Variants in GNE observed in about 807,000 individuals in gnomAD.
GNE encodes bifunctional UDP-N-acetylglucosamine 2-epimerase/N-acetylmannosamine kinase.
A neutral mutation model predicts 61.8 loss-of-function variants in GNE; 41 were observed. That is an observed-to-expected ratio of 0.66 (90% confidence interval 0.52 to 0.86). GNE has a LOEUF of 0.86. GNE is among the 40% of genes least tolerant of loss of function. The pLI is 0.00. For synonymous variants in GNE, 264 were observed against 326.4 expected, an observed-to-expected ratio of 0.81 and a Z score of 2.06; for missense variants, 608 against 909.1, an observed-to-expected ratio of 0.67 and a Z score of 4.26.
chr9:36,242,770 CT>C (rs1829698685), intron 3 of GNE, among the ~76,000 whole-genome samples: 1 of 124,268 alleles, frequency 8.0e-6, no homozygotes. Context: ...TGGAGTCTCG[CT>C]TCTTCACCCA....
intron 1 of GNE, among the ~76,000 whole-genome samples, chr9:36,250,222 C>T (rs1418162889): frequency 6.6e-6 from 1 of 152,172 alleles, no homozygotes; most frequent in Non-Finnish European, 1.5e-5. Flanking sequence ...GCTATTCACT[C>T]TCACACTATA....
rs757524235 is a variant in GNE at position 36,246,176 on chromosome 9, A to G, written c.471T>C (p.His157=). ...GCTCTGCACTGCGGGTGCAGCACACATGATAATGAGCCAGTTTTGTTATGG... is the reference window on the plus strand; with the variant it reads ...GCTCTGCACTGCGGGTGCAGCACACGTGATAATGAGCCAGTTTTGTTATGG... The part of the protein sequence containing the change: ...RHAITKLAHY[H]VCCTRSAEQH... Residue 157 remains histidine (H), a synonymous_variant, in exon 3 of 12, where the codon CAT becomes CAC. Transcript: ENST00000642385. 8.1e-6 allele frequency: 13 copies of G among 1,614,222 alleles called. 1 individual carries two copies. The South Asian group carries it at 8.8e-5, about 11-fold the overall frequency.
intron 10 of GNE, 103 bp downstream of exon 10, chr9:36,219,735 G>A (rs1480110759): frequency 9.5e-7 from 1 of 1,054,514 alleles, no homozygotes; most frequent in East Asian, 2.4e-5. Flanking sequence ...GAAGTGAAAA[G>A]GGGGAAACTT....
chr9:36,238,839 T>A (rs902262513), intron 3 of GNE, among the ~76,000 whole-genome samples: 5 of 152,308 alleles, frequency 3.3e-5, no homozygotes, highest in Admixed American at 3.3e-4. Flanking sequence ...GGTTTTCCCA[T>A]GTAATCTTCT....
intron 4 of GNE, among the ~76,000 whole-genome samples, chr9:36,235,591 T>C (rs1264859123): frequency 6.6e-6 from 1 of 152,190 alleles, no homozygotes; most frequent in Non-Finnish European, 1.5e-5. Flanking sequence ...GAATGATACA[T>C]AGTTACATTA....
chr9:36,229,167 A>G, intron 5 of GNE, 59 bp from the exon 6 acceptor site: 5 of 918,514 alleles, frequency 5.4e-6, no homozygotes, highest in Non-Finnish European at 9.2e-6. Flanking sequence ...CAAAGAATAA[A>G]GAAATTATCA....
In GNE at chr9:36,234,107, C is replaced by T. The variant is rs1829295633; in HGVS notation, c.795G>A (p.Met265Ile). 5 of 1,613,720 alleles carry T rather than the reference C, an allele frequency of 3.1e-6. No individual in the cohort carries two copies. Among genetic ancestry groups the T allele is most frequent in the East Asian group, 2.2e-5 (1 of 44,876 alleles). The change falls in exon 5 of 12, where the codon ATG becomes ATA. Residue 265 changes from methionine to isoleucine, a missense_variant. Physicochemically the swap from Met to Ile is conservative, Grantham distance 10. Transcript: ENST00000642385. ...DAGSKEMVRV[M>I]RKKGIEHHPN... ...GATGATGCTCAATGCCCTTCTTCCGCATCACTCGAACCATCTCTTTGCTCC... is the reference window on the plus strand; with the variant it reads ...GATGATGCTCAATGCCCTTCTTCCGTATCACTCGAACCATCTCTTTGCTCC...
At position 36,217,501 on chromosome 9, in the gene GNE, A is replaced by G. The variant is rs1828379695; in HGVS notation, c.2033T>C (p.Ile678Thr). The G allele has an allele frequency of 2.5e-6, 4 of 1,613,900 alleles. No individual in the cohort carries two copies. The highest frequency in any genetic ancestry group is 2.5e-6 in the Non-Finnish European group (3 of 1,179,868). Reference protein sequence around the residue: ...SGVLASHYIHIVKDVIRQQAL... With the variant: ...SGVLASHYIHTVKDVIRQQAL... ...CTGCTGGCGAATGACGTCTTTGACA[A>G]TGTGGATATAGTGACTGGCCAGGAC... The change falls in exon 12 of 12, where the codon ATT (isoleucine) becomes ACT (threonine). Residue 678 changes from isoleucine to threonine, a missense_variant. Coordinates refer to ENST00000642385, the MANE Select transcript of GNE (RefSeq NM_005476.7).
chr9:36,232,054 G>T (rs550753702), intron 5 of GNE, among the ~76,000 whole-genome samples: 1 of 152,110 alleles, frequency 6.6e-6, no homozygotes, highest in Non-Finnish European at 1.5e-5. Flanking sequence ...AAGGAGATTA[G>T]TTCTAGCTCT....
At chr9:36,260,102 T>C (rs1203432368), upstream of GNE, among the ~76,000 whole-genome samples, 1 of 151,628 alleles carries the variant, frequency 6.6e-6, no homozygotes, top group Non-Finnish European at 1.5e-5. Flanking sequence ...TATAAGGGGA[T>C]GACAGGGAAA....
intron 7 of GNE, among the ~76,000 whole-genome samples, chr9:36,224,004 G>C (rs1216393747): frequency 6.6e-6 from 1 of 151,816 alleles, no homozygotes; most frequent in Non-Finnish European, 1.5e-5. Flanking sequence ...CGCCTGCCTC[G>C]GCCTCCCAAA....
intron 1 of GNE, among the ~76,000 whole-genome samples, chr9:36,266,892 C>A (rs954482952): frequency 2.2e-4 from 33 of 151,424 alleles, no homozygotes; most frequent in African/African-American, 7.0e-4. Context: ...AAGTAAGACT[C>A]CGTCTCAAAA....
At chr9:36,243,719 C>CCCAG (rs1829745670) in intron 3 of GNE, among the ~76,000 whole-genome samples, 1 of 152,048 alleles carries the variant, frequency 6.6e-6, no homozygotes, top group Non-Finnish European at 1.5e-5. Flanking sequence ...GTGGTACATG[C>CCCAG]CTGTAGTCCC....
At chr9:36,252,064 C>T (rs573014991) in intron 1 of GNE, among the ~76,000 whole-genome samples, 4 of 149,390 alleles carry the variant, frequency 2.7e-5, no homozygotes, top group South Asian at 2.1e-4. Flanking sequence ...CGGCTCACTG[C>T]GACCTCCGCC....
intron 3 of GNE, among the ~76,000 whole-genome samples, chr9:36,242,692 A>G (rs1279494202): frequency 6.9e-6 from 1 of 145,668 alleles, no homozygotes; most frequent in African/African-American, 2.6e-5. Context: ...TGCTGGGATT[A>G]CAGGTGTGAG....
In GNE at chr9:36,255,386, T is replaced by A. The variant is rs556388597; in HGVS notation, c.-43+2935A>T. On this transcript the variant is annotated intron_variant, in intron 1 of 11. Coordinates refer to ENST00000642385, the MANE Select transcript of GNE (RefSeq NM_005476.7). Reference sequence around the variant, plus strand: ...CCATGCCTGGCTAATTTTTGTATTTTTTTAGTTGAGACGCGGTTTCAACTA... The same window carrying A: ...CCATGCCTGGCTAATTTTTGTATTTATTTAGTTGAGACGCGGTTTCAACTA... 8.5e-5 allele frequency among the ~76,000 whole-genome samples: 13 copies of A among 152,266 alleles called. No homozygotes were observed. The East Asian group carries it at 2.3e-3, about 27-fold the overall frequency.
intron 3 of GNE, among the ~76,000 whole-genome samples, chr9:36,240,648 G>C (rs1377647804): frequency 6.6e-6 from 1 of 152,114 alleles, no homozygotes; most frequent in African/African-American, 2.4e-5. Context: ...TTTGGTATTA[G>C]GGTCATGGGG....
Position 36,218,364 on chromosome 9 carries a change from G to C in GNE, c.1817-65C>G. The C allele has an allele frequency of 8.5e-7, 1 of 1,173,476 alleles. No homozygotes were observed. The highest frequency in any genetic ancestry group is 1.2e-5 in the South Asian group (1 of 81,950). The allele number at this position is 1,173,476 out of a possible 1,614,324, so 72.7% of individuals were successfully genotyped here. A position where few individuals can be genotyped will look rare whatever the true frequency, so the allele number is the denominator to read the frequency against. On this transcript the variant is annotated intron_variant, in intron 10 of 11. Transcript: ENST00000642385. The surrounding 1 kb of genome is among the most constrained non-coding windows in gnomAD (Gnocchi z 4.1). ...GTGGGGAGGCCAAGCTCACCACTGGGCCTGTGGAAAGCAAGCCCCTACATG... is the reference window on the plus strand; with the variant it reads ...GTGGGGAGGCCAAGCTCACCACTGGCCCTGTGGAAAGCAAGCCCCTACATG...
chr9:36,252,020 C>T (rs902307868), intron 1 of GNE, among the ~76,000 whole-genome samples: 6 of 140,064 alleles, frequency 4.3e-5, no homozygotes, highest in African/African-American at 1.6e-4. Flanking sequence ...GAGTCTTGCT[C>T]TGCCACCCAG....
Sources: allele counts gnomAD v4.1 joint callset (sites outside exome capture counted in the v4.1 genomes callset), GRCh38; gene constraint gnomAD v4.1.1; non-coding constraint Gnocchi (gnomAD v3.1); transcripts MANE v1.5; gene names NCBI Gene and HGNC (gene_info 2026-07-23, HGNC 2026-07-21).